RBFOX1: variants seen among roughly 807,000 people sequenced by gnomAD.
The protein encoded by RBFOX1 is RNA binding protein fox-1 homolog 1.
A neutral mutation model predicts 57.7 loss-of-function variants in RBFOX1; 8 were observed. That is an observed-to-expected ratio of 0.14 (90% CI 0.08 to 0.25). The LOEUF is 0.25. Ranked by LOEUF, RBFOX1 falls within the 10% of genes least tolerant of loss-of-function variation. The pLI, the probability that RBFOX1 is intolerant of heterozygous loss-of-function variation, is 1.00. For missense variants in RBFOX1, 611 were observed against 548.5 expected (o/e 1.11, Z -1.14); for synonymous variants, 326 against 222.4 (o/e 1.47, Z -4.15).
rs60637926 is a variant in RBFOX1, at chr16:6,344,407, C to CTT, written c.-64+27361_-64+27362dup. On this transcript the variant is annotated intron_variant, in intron 2 of 15. Transcript: ENST00000550418. Reference sequence around the variant, plus strand: ...TCTCTTCTTCTTTTTTCTTTTTTTTCTTTTTTTTTTTTGAGACAGAGTCTC... The same window carrying CTT: ...TCTCTTCTTCTTTTTTCTTTTTTTTCTTTTTTTTTTTTTTGAGACAGAGTCTC... 5.5e-5 allele frequency among the ~76,000 whole-genome samples: 6 copies of CTT among 109,846 alleles called. 1 individual carries two copies. Among genetic ancestry groups the CTT allele is most frequent in the Admixed American group, 3.0e-4 (3 of 9,872 alleles). The allele number at this position is 109,846 out of a possible 152,430, so 72.1% of individuals were successfully genotyped here.
intron 1 of RBFOX1, among the ~76,000 whole-genome samples, chr16:6,298,972 G>C (rs907317735): frequency 6.6e-5 from 10 of 152,166 alleles, no homozygotes; most frequent in South Asian, 2.1e-4. Context: ...GGTGACAGTG[G>C]ATGGAAAAGA....
At chr16:5,390,699 C>G (rs1271371076) in intron 1 of RBFOX1, among the ~76,000 whole-genome samples, 1 of 152,298 alleles carries the variant, frequency 6.6e-6, no homozygotes, top group East Asian at 1.9e-4. Flanking sequence ...CCCCTCTACC[C>G]CATCTCCAGG....
chr16:6,719,946 T>C (rs999237043), intron 3 of RBFOX1, among the ~76,000 whole-genome samples: 5 of 151,540 alleles, frequency 3.3e-5, no homozygotes, highest in African/African-American at 1.2e-4. Context: ...TACAAGAAAT[T>C]AGCCGGGGGT....
At chr16:6,606,987 A>T (rs1300402419) in intron 2 of RBFOX1, among the ~76,000 whole-genome samples, 1 of 152,144 alleles carries the variant, frequency 6.6e-6, no homozygotes, top group East Asian at 1.9e-4. Context: ...GTGTAAAAGC[A>T]TTCCTATTTC....
chr16:5,643,764 T>C (rs920124143), intron 3 of RBFOX1, among the ~76,000 whole-genome samples: 4 of 152,180 alleles, frequency 2.6e-5, no homozygotes, highest in Non-Finnish European at 5.9e-5. Flanking sequence ...TTTTACTGAT[T>C]CTTGTGGAAG....
At chr16:7,673,233 G>C (rs773417455) in intron 13 of RBFOX1, among the ~76,000 whole-genome samples, 1 of 152,106 alleles carries the variant, frequency 6.6e-6, no homozygotes, top group Admixed American at 6.5e-5. Context: ...TGAAAACTTT[G>C]ATTTAAGCCT....
At chr16:6,605,798 ATACTT>A (rs974822303) in intron 2 of RBFOX1, among the ~76,000 whole-genome samples, 26 of 152,242 alleles carry the variant, frequency 1.7e-4, no homozygotes, top group African/African-American at 6.0e-4. Context: ...ACGGGAAACT[ATACTT>A]GAAATATGCA....
intron 2 of RBFOX1, among the ~76,000 whole-genome samples, chr16:6,565,489 C>G (rs1229469948): frequency 4.0e-5 from 6 of 151,636 alleles, no homozygotes; most frequent in Non-Finnish European, 8.8e-5. Context: ...GATCTCCTGA[C>G]CTCGTGATCC....
At chr16:6,017,539 C>G (rs1310777488), upstream of RBFOX1, among the ~76,000 whole-genome samples, 1 of 152,114 alleles carries the variant, frequency 6.6e-6, no homozygotes, top group African/African-American at 2.4e-5. Flanking sequence ...TGCTTACATA[C>G]AAATATATTA....
intron 2 of RBFOX1, among the ~76,000 whole-genome samples, chr16:5,538,876 T>C (rs1400433720): frequency 6.6e-6 from 1 of 152,156 alleles, no homozygotes; most frequent in Non-Finnish European, 1.5e-5. Flanking sequence ...TCTGCCCACC[T>C]CAGCCAGTGG....
intron 1 of RBFOX1, among the ~76,000 whole-genome samples, chr16:5,268,358 A>G (rs566745618): frequency 4.9e-4 from 74 of 152,352 alleles, no homozygotes; most frequent in African/African-American, 1.8e-3. Context: ...TCTTTGGAGT[A>G]TGTGGAATTG....
At chr16:5,883,119 A>G (rs1448608206) in intron 4 of RBFOX1, among the ~76,000 whole-genome samples, 5 of 152,238 alleles carry the variant, frequency 3.3e-5, no homozygotes, top group East Asian at 3.9e-4. Flanking sequence ...ATCATACAGT[A>G]CTGTGTGTTA....
chr16:6,237,449 T>G (rs942489156), intron 1 of RBFOX1, among the ~76,000 whole-genome samples: 16 of 152,170 alleles, frequency 1.1e-4, no homozygotes, highest in African/African-American at 3.9e-4. Flanking sequence ...AACTAGTAAC[T>G]GAGCCCCACT....
At chr16:5,425,453 A>G (rs2067530642) in intron 1 of RBFOX1, among the ~76,000 whole-genome samples, 1 of 151,944 alleles carries the variant, frequency 6.6e-6, no homozygotes, top group Non-Finnish European at 1.5e-5. Flanking sequence ...GATGATGGAG[A>G]TCTCCTCCCT....
chr16:7,001,200 A>C lies in RBFOX1; in HGVS notation c.-15-50857A>C, dbSNP rs545825803. 5.9e-5 allele frequency among the ~76,000 whole-genome samples: 9 copies of C among 152,136 alleles called. No individual in the cohort carries two copies. In the East Asian group the frequency reaches 1.8e-3, roughly 30 times the overall value. ...CCAAAGGAGACTAATGATCATTCTAAATGTCCATTCTGAAGCTCTGTTGTT... is the reference window on the plus strand; with the variant it reads ...CCAAAGGAGACTAATGATCATTCTACATGTCCATTCTGAAGCTCTGTTGTT... On this transcript the variant is annotated intron_variant, in intron 3 of 15. Transcript: ENST00000550418.
chr16:6,703,389 C>A lies in RBFOX1; in HGVS notation c.-16+48739C>A, dbSNP rs538543138. On this transcript the variant is annotated intron_variant, in intron 3 of 15. Coordinates refer to ENST00000550418, the MANE Select transcript of RBFOX1 (RefSeq NM_018723.4). ...AGGGGTTTGAGGCCAGCCTAGGCAA[C>A]ATAGTGAGACCCCATCTCTACAGAA... Among the ~76,000 whole-genome samples the A allele has an allele frequency of 5.6e-4, 85 of 151,996 alleles. No homozygotes were observed. In the Middle Eastern group the frequency reaches 0.01, roughly 18 times the overall value.
At chr16:5,730,760 T>C (rs2052336812) in intron 3 of RBFOX1, among the ~76,000 whole-genome samples, 1 of 151,966 alleles carries the variant, frequency 6.6e-6, no homozygotes, top group African/African-American at 2.4e-5. Context: ...TCACCATCAG[T>C]ATCACTGCTA....
intron 1 of RBFOX1, among the ~76,000 whole-genome samples, chr16:5,423,587 C>T (rs897452017): frequency 6.6e-6 from 1 of 152,138 alleles, no homozygotes; most frequent in African/African-American, 2.4e-5. Flanking sequence ...TGCTGCGTGT[C>T]TGTGAGGCCA....
At chr16:6,943,384 G>C (rs1251236378) in intron 3 of RBFOX1, among the ~76,000 whole-genome samples, 1 of 152,132 alleles carries the variant, frequency 6.6e-6, no homozygotes, top group Non-Finnish European at 1.5e-5. Flanking sequence ...TAGCTTAATA[G>C]ACAGACAAGA....
Sources: allele counts gnomAD v4.1 joint callset (sites outside exome capture counted in the v4.1 genomes callset), GRCh38; gene constraint gnomAD v4.1.1; transcripts MANE v1.5; gene names NCBI Gene and HGNC (gene_info 2026-07-23, HGNC 2026-07-21).